Variants in NFIC observed in about 807,000 individuals in gnomAD.
NFIC encodes nuclear factor I C.
NFIC carries 12 observed loss-of-function variants against 54.4 expected under a neutral mutation model. The ratio of observed to expected loss-of-function variants is 0.22; its 90% CI spans 0.14 to 0.36. The LOEUF (loss-of-function observed/expected upper bound fraction) is 0.36. Ranked by LOEUF, NFIC falls within the 10% of genes least tolerant of loss-of-function variation. The probability of loss-of-function intolerance (pLI) is 1.00; values close to 1 mark genes in which losing one functional copy is unlikely to be tolerated. For missense variants in NFIC, 575 were observed against 718.2 expected, an observed-to-expected ratio of 0.80 and a Z score of 2.28; for synonymous variants, 322 against 319.2, an observed-to-expected ratio of 1.01 and a Z score of -0.09.
At chr19:3,425,852 T>C (rs2082018958) in intron 3 of NFIC, among the ~76,000 whole-genome samples, 1 of 148,464 alleles carries the variant, frequency 6.7e-6, no homozygotes, top group Non-Finnish European at 1.5e-5. Context: ...CCAGCTAGGC[T>C]CAAGCGATCC....
chr19:3,363,135 T>C (rs1371926713), upstream of NFIC, among the ~76,000 whole-genome samples: 5 of 151,524 alleles, frequency 3.3e-5, no homozygotes, highest in Non-Finnish European at 2.9e-5. Context: ...TACACACTTA[T>C]AGAGGATACA....
intron 7 of NFIC, 64 bp downstream of exon 7, chr19:3,449,203 G>A (rs57689663): frequency 0.04 from 61,612 of 1,558,666 alleles, 2,096 homozygotes; most frequent in African/African-American, 0.19. Context: ...TCTCACAGCC[G>A]GGGAAGTCCC....
At chr19:3,383,691 AC>A (rs2145481169) in intron 2 of NFIC, among the ~76,000 whole-genome samples, 1 of 152,260 alleles carries the variant, frequency 6.6e-6, no homozygotes, top group South Asian at 2.1e-4. Flanking sequence ...GAACCCCCAC[AC>A]ACCCAGGGGC....
upstream of NFIC, among the ~76,000 whole-genome samples, chr19:3,365,893 G>A (rs909661575): frequency 6.6e-6 from 1 of 152,224 alleles, no homozygotes; most frequent in Non-Finnish European, 1.5e-5. Flanking sequence ...CTCTAGCTGG[G>A]GACCCGCAGC....
chr19:3,455,585 A>G (rs904182742), intron 9 of NFIC, among the ~76,000 whole-genome samples: 2 of 149,390 alleles, frequency 1.3e-5, no homozygotes, highest in Admixed American at 1.3e-4. Context: ...ATAGACACTT[A>G]ATAGATGCAG....
intron 3 of NFIC, among the ~76,000 whole-genome samples, chr19:3,427,880 A>G (rs149386974): frequency 6.6e-6 from 1 of 150,680 alleles, no homozygotes; most frequent in South Asian, 2.1e-4. Flanking sequence ...GAGAGAGAGA[A>G]AAAGAAGGGC....
At chr19:3,447,045 TC>T (rs2082383086) in intron 6 of NFIC, among the ~76,000 whole-genome samples, 1 of 152,030 alleles carries the variant, frequency 6.6e-6, no homozygotes, top group Non-Finnish European at 1.5e-5. Flanking sequence ...ACGCCTATAA[TC>T]CCAGCACTTT....
rs769509104 is a variant in NFIC at position 3,452,515 on chromosome 19, T to C, written c.1118T>C (p.Leu373Pro). 6.2e-7 allele frequency: 1 copy of C among 1,613,080 alleles called. No homozygotes were observed. Among genetic ancestry groups the C allele is most frequent in the Non-Finnish European group, 8.5e-7 (1 of 1,180,014 alleles). The change falls in exon 8 of 11, where the codon CTG becomes CCG. Residue 373 changes from leucine (L) to proline (P), a missense_variant. Leu to Pro is a moderately conservative substitution (Grantham distance 98, BLOSUM62 -3). Transcript: ENST00000443272. The surrounding 1 kb of genome is among the most constrained non-coding windows in gnomAD (Gnocchi z 5.3). ...IARSPHPSSA[L>P]HFPTTSILPQ... The stretch of plus-strand genomic sequence containing the variant: ...CGGAGCCCACACCCGTCCTCCGCTC[T>C]GCATTTCCCTACGACGTCCATCCTA...
At chr19:3,416,746 A>C (rs969795553) in intron 2 of NFIC, among the ~76,000 whole-genome samples, 1 of 149,230 alleles carries the variant, frequency 6.7e-6, no homozygotes, top group Admixed American at 6.7e-5. Flanking sequence ...CTGCTCTCGA[A>C]CTCCTGACCT....
At chr19:3,384,009 C>G (rs1040465172) in intron 2 of NFIC, among the ~76,000 whole-genome samples, 2 of 149,958 alleles carry the variant, frequency 1.3e-5, no homozygotes, top group African/African-American at 4.9e-5. Flanking sequence ...CTCCCAGGCT[C>G]TAGGGTGTGT....
Position 3,456,543 on chromosome 19 carries a change from C to T in NFIC, c.1424-7C>T, listed in dbSNP as rs1280510161. On this transcript the variant is annotated splice_region_variant and splice_polypyrimidine_tract_variant and intron_variant, in intron 9 of 10. Transcript: ENST00000443272. ...TAACGGGCTCTCGGTCTCTCTCCTC[C>T]CTGCAGCCTACTCTCCGCCCGACAC... 6.4e-7 allele frequency: 1 copy of T among 1,551,658 alleles called. No individual in the cohort carries two copies. The highest frequency in any genetic ancestry group is 8.7e-7 in the Non-Finnish European group (1 of 1,146,914).
rs904404492 is a variant in NFIC at position 3,375,627 on chromosome 19, C to A, written c.31-6085C>A. Among the ~76,000 whole-genome samples, 6 of 152,200 alleles carry A rather than the reference C, an allele frequency of 3.9e-5. No individual in the cohort carries two copies. The highest frequency in any genetic ancestry group is 5.9e-5 in the Non-Finnish European group (4 of 68,024). Reference sequence around the variant, plus strand: ...CCGCCGCAGCTGTTACGGTGACTCACGCTTTGGGGGACATTGGGGTGGGGG... The same window carrying A: ...CCGCCGCAGCTGTTACGGTGACTCAAGCTTTGGGGGACATTGGGGTGGGGG... On this transcript the variant is annotated intron_variant, in intron 1 of 10. Transcript: ENST00000443272. This position sits in a 1 kb window ranked among gnomAD's most constrained non-coding sequence, Gnocchi z 4.6.
chr19:3,381,395 C>CAAA (rs71164686), intron 1 of NFIC, among the ~76,000 whole-genome samples: 2 of 100,932 alleles, frequency 2.0e-5, no homozygotes, highest in Non-Finnish European at 2.0e-5. Context: ...GACTCCGTCT[C>CAAA]AAAAAAAAAA....
intron 2 of NFIC, among the ~76,000 whole-genome samples, chr19:3,414,351 C>T (rs1237793546): frequency 1.3e-5 from 2 of 152,022 alleles, no homozygotes; most frequent in African/African-American, 4.8e-5. Context: ...AATCCCAGCA[C>T]TTTGGGAGTC....
intron 2 of NFIC, among the ~76,000 whole-genome samples, chr19:3,408,118 A>G (rs1445882261): frequency 6.6e-6 from 1 of 152,010 alleles, no homozygotes; most frequent in African/African-American, 2.4e-5. Flanking sequence ...GAAGCCGGCT[A>G]ACGTTGGAAA....
At chr19:3,380,303 CTTG>C in intron 1 of NFIC, among the ~76,000 whole-genome samples, 1 of 124,346 alleles carries the variant, frequency 8.0e-6, no homozygotes, top group Admixed American at 8.5e-5. Context: ...CGTGCCCAGC[CTTG>C]TTCTTTTTTT....
intron 1 of NFIC, among the ~76,000 whole-genome samples, chr19:3,367,181 C>T (rs950106235): frequency 1.3e-5 from 2 of 152,212 alleles, no homozygotes; most frequent in African/African-American, 4.8e-5. Flanking sequence ...GTGCGGGCCG[C>T]CCTGGCCCTC....
rs952182125 is a variant in NFIC, at chr19:3,453,603, G to A, written c.1270-160G>A. On this transcript the variant is annotated intron_variant, in intron 8 of 10. Coordinates refer to ENST00000443272, the MANE Select transcript of NFIC (RefSeq NM_001245002.2). This position sits in a 1 kb window ranked among gnomAD's most constrained non-coding sequence, Gnocchi z 6.7. ...TCCCCAGGCCCCTCCACCTCCGGCC[G>A]TCCTCAGACCCACCAAACCCGCCAT... Among the ~76,000 whole-genome samples the A allele has an allele frequency of 5.9e-5, 9 of 152,002 alleles. No individual in the cohort carries two copies. The highest frequency in any genetic ancestry group is 9.7e-5 in the African/African-American group (4 of 41,374).
intron 3 of NFIC, among the ~76,000 whole-genome samples, chr19:3,425,735 C>T (rs1251181543): frequency 2.0e-5 from 3 of 151,566 alleles, no homozygotes; most frequent in East Asian, 3.9e-4. Flanking sequence ...GCTGGGATTA[C>T]AGGCATGAGC....
Sources: gnomAD v4.1 joint callset for allele counts (sites outside exome capture counted in the v4.1 genomes callset) on GRCh38, gnomAD v4.1.1 for gene constraint, Gnocchi (gnomAD v3.1) non-coding constraint, MANE v1.5 for transcripts, NCBI Gene and HGNC (gene_info 2026-07-23, HGNC 2026-07-21) for gene names.